PFKP: variants seen among roughly 807,000 people sequenced by gnomAD.
The protein encoded by PFKP is phosphofructokinase, platelet.
In PFKP, 101 loss-of-function variants were observed where a neutral mutation model predicts 94.3. The ratio of observed to expected loss-of-function variants is 1.07; its 90% CI spans 0.91 to 1.26. The LOEUF (loss-of-function observed/expected upper bound fraction) is 1.26, where lower values mean the gene tolerates loss of function less well. Ranked by LOEUF, PFKP falls within the 50% of genes most tolerant of loss-of-function variation. The pLI is 0.00. For missense variants in PFKP, 1,145 were observed against 1,103.3 expected, an observed-to-expected ratio of 1.04 and a Z score of -0.53; for synonymous variants, 573 against 432.6, an observed-to-expected ratio of 1.32 and a Z score of -4.03.
rs929240678 is a variant in PFKP, at chr10:3,069,300, T to G, written c.112+1593T>G. 67 of 1,522,984 alleles carry G rather than the reference T, an allele frequency of 4.4e-5. No individual in the cohort carries two copies. The Admixed American group carries it at 5.0e-4, about 11-fold the overall frequency. 94.3% of individuals were successfully genotyped at this position (1,522,984 alleles called of 1,614,324 possible). A position where few individuals can be genotyped will look rare whatever the true frequency, so the allele number is the denominator to read the frequency against. Reference sequence around the variant, plus strand: ...GCTGGGTTCTCAGAGAAAGAAAACGTGATGCAGCAGAGGATGGGATTGAAG... The same window carrying G: ...GCTGGGTTCTCAGAGAAAGAAAACGGGATGCAGCAGAGGATGGGATTGAAG... On this transcript the variant is annotated intron_variant, in intron 1 of 21. Transcript: ENST00000381125.
At chr10:3,135,693 A>G in intron 20 of PFKP, 43 bp from the exon 21 acceptor site, 1 of 1,218,992 alleles carries the variant, frequency 8.2e-7, no homozygotes, top group Non-Finnish European at 1.2e-6. Context: ...CCACCTGCCC[A>G]TGTTGACAGG....
In PFKP at chr10:3,109,405, G is replaced by C; in HGVS notation, c.1014G>C (p.Pro338=). 2 of 1,610,406 alleles carry C rather than the reference G, an allele frequency of 1.2e-6. No homozygotes were observed. The highest frequency in any genetic ancestry group is 1.1e-5 in the South Asian group (1 of 91,074). ...TCATCGCCTTGCTAGAGGCCACCCC[G>C]GACACCCCAGCTTGCGTCGTGTCAC... is the stretch of plus-strand genomic sequence containing the variant. The part of the protein sequence containing the change: ...EAVIALLEAT[P]DTPACVVSLN... The change falls in exon 10 of 22, where the codon CCG becomes CCC. Residue 338 remains proline, a synonymous_variant. Coordinates refer to ENST00000381125, the MANE Select transcript of PFKP (RefSeq NM_002627.5).
intron 13 of PFKP, among the ~76,000 whole-genome samples, chr10:3,114,135 A>T (rs1217067636): frequency 6.7e-6 from 1 of 148,476 alleles, no homozygotes; most frequent in East Asian, 2.0e-4. Flanking sequence ...TTAGCCAACA[A>T]ATACCTACTT....
At chr10:3,117,222 T>C (rs751988049) in intron 14 of PFKP, among the ~76,000 whole-genome samples, 4 of 152,144 alleles carry the variant, frequency 2.6e-5, no homozygotes, top group Non-Finnish European at 5.9e-5. Flanking sequence ...GCAGGTAGCA[T>C]TGGTGGGAAG....
intron 2 of PFKP, among the ~76,000 whole-genome samples, chr10:3,093,496 TGCGTGCTCACC>T (rs1834220589): frequency 6.6e-6 from 1 of 152,176 alleles, no homozygotes; most frequent in Non-Finnish European, 1.5e-5. Flanking sequence ...CTAACACGCG[TGCGTGCTCACC>T]GAGCTGGCTG....
chr10:3,125,250 G>GT (rs753998795), intron 16 of PFKP: 67 of 1,307,738 alleles, frequency 5.1e-5, no homozygotes, highest in Admixed American at 5.0e-5. Flanking sequence ...TGTTGTTGAG[G>GT]TAAGAGAACC....
At chr10:3,092,018 G>C (rs944062644) in intron 2 of PFKP, among the ~76,000 whole-genome samples, 1 of 152,082 alleles carries the variant, frequency 6.6e-6, no homozygotes, top group Non-Finnish European at 1.5e-5. Flanking sequence ...AAGGATAAAG[G>C]GTGTTGGTAC....
intron 7 of PFKP, 27 bp from the exon 8 acceptor site, chr10:3,107,187 G>T: frequency 1.5e-6 from 2 of 1,376,194 alleles, no homozygotes; most frequent in South Asian, 2.3e-5. Context: ...TTAGGAATTT[G>T]AGAGCTTTAA....
At chr10:3,071,559 G>A (rs1247465516) in intron 1 of PFKP, among the ~76,000 whole-genome samples, 3 of 151,684 alleles carry the variant, frequency 2.0e-5, no homozygotes, top group African/African-American at 7.3e-5. Flanking sequence ...CTGAATGGCG[G>A]ACTTACCATG....
In PFKP at chr10:3,135,847, G is replaced by GC. The variant is rs751624384; in HGVS notation, c.2225+10dup. The GC allele has an allele frequency of 1.9e-6, 3 of 1,578,868 alleles. No homozygotes were observed. The highest frequency in any genetic ancestry group is 1.7e-5 in the Admixed American group (1 of 59,930). On this transcript the variant is annotated intron_variant, in intron 21 of 21. Coordinates refer to ENST00000381125, the MANE Select transcript of PFKP (RefSeq NM_002627.5). ...AAGCAAACGGATTTTGAGTAAGTTG[G>GC]CTGGGTTCCCTGAGGCAATAAGACC...
At chr10:3,128,641 C>T (rs535812425) in intron 16 of PFKP, among the ~76,000 whole-genome samples, 1 of 152,274 alleles carries the variant, frequency 6.6e-6, no homozygotes, top group African/African-American at 2.4e-5. Context: ...CCTGGCGCCT[C>T]CTCCTTCCAT....
At chr10:3,073,497 G>T (rs1285925039) in intron 1 of PFKP, among the ~76,000 whole-genome samples, 1 of 151,806 alleles carries the variant, frequency 6.6e-6, no homozygotes, top group African/African-American at 2.4e-5. Context: ...CACGGGGAGG[G>T]CACCGGTGCT....
chr10:3,109,632 G>A (rs56221890), intron 10 of PFKP, 152 bp downstream of exon 10: 78,380 of 898,242 alleles, frequency 0.087, 3,909 homozygotes, highest in Non-Finnish European at 0.097. Context: ...TGGGGAGGGA[G>A]AAGGCTTATG....
At chr10:3,119,163 C>G (rs116644350) in intron 15 of PFKP, among the ~76,000 whole-genome samples, 2 of 152,140 alleles carry the variant, frequency 1.3e-5, no homozygotes, top group African/African-American at 2.4e-5. Flanking sequence ...GTAATTCTAT[C>G]TCTTGAGTCC....
At chr10:3,128,585 C>G (rs539650463) in intron 16 of PFKP, among the ~76,000 whole-genome samples, 23 of 152,374 alleles carry the variant, frequency 1.5e-4, no homozygotes, top group Middle Eastern at 3.4e-3. Context: ...GTGGCCCGTT[C>G]AGGTGCCCAG....
At position 3,114,288 on chromosome 10, in the gene PFKP, T is replaced by A. The variant is rs180994498; in HGVS notation, c.1371+770T>A. Among the ~76,000 whole-genome samples, 157 of 152,192 alleles carry A rather than the reference T, an allele frequency of 1.0e-3. 2 individuals carry two copies. The East Asian group carries it at 0.025, about 24-fold the overall frequency. On this transcript the variant is annotated intron_variant, in intron 13 of 21. Coordinates refer to ENST00000381125, the MANE Select transcript of PFKP (RefSeq NM_002627.5). ...CCTCAGCCTCCTGAGTAGCTGAAAT[T>A]ACAGGCACGCGCCACCACGCCCAGC... is the stretch of plus-strand genomic sequence containing the variant.
chr10:3,088,779 G>GAAAT (rs1833826552), intron 2 of PFKP, among the ~76,000 whole-genome samples: 1 of 151,804 alleles, frequency 6.6e-6, no homozygotes, highest in Non-Finnish European at 1.5e-5. Context: ...ATAGAGTTCA[G>GAAAT]AAATATAGTC....
chr10:3,081,293 A>C (rs1833055119), intron 1 of PFKP, among the ~76,000 whole-genome samples: 1 of 152,204 alleles, frequency 6.6e-6, no homozygotes, highest in Non-Finnish European at 1.5e-5. Flanking sequence ...TGAGCCGGTC[A>C]CCGTCCAAGT....
intron 7 of PFKP, among the ~76,000 whole-genome samples, chr10:3,105,901 G>A (rs1220957270): frequency 6.6e-6 from 1 of 152,188 alleles, no homozygotes; most frequent in African/African-American, 2.4e-5. Context: ...ATCATGGAGT[G>A]GTCGCTATGT....
Sources: gnomAD v4.1 joint callset for allele counts (sites outside exome capture counted in the v4.1 genomes callset) on GRCh38, gnomAD v4.1.1 for gene constraint, MANE v1.5 for transcripts, NCBI Gene and HGNC (gene_info 2026-07-23, HGNC 2026-07-21) for gene names.